Variants in GRID2 observed in about 807,000 individuals in gnomAD.
The protein encoded by GRID2 is glutamate receptor ionotropic, delta-2.
Under a neutral mutation model 114.8 loss-of-function variants are expected in GRID2, and 33 were observed. The ratio of observed to expected loss-of-function variants is 0.29; its 90% CI spans 0.22 to 0.38. The LOEUF is 0.38. Ranked by LOEUF, GRID2 falls within the 10% of genes least tolerant of loss-of-function variation. The pLI, the probability that GRID2 is intolerant of heterozygous loss-of-function variation, is 1.00. For synonymous variants in GRID2, 505 were observed against 449.9 expected (o/e 1.12, Z -1.55); for missense variants, 1,184 against 1,257.7 (o/e 0.94, Z 0.89).
At chr4:92,312,823 T>C (rs527854645) in intron 1 of GRID2, among the ~76,000 whole-genome samples, 1 of 152,142 alleles carries the variant, frequency 6.6e-6, no homozygotes, top group South Asian at 2.1e-4. Context: ...CAGGGAACAC[T>C]TCTACACTGC....
At chr4:92,473,788 T>C (rs1386782533) in intron 1 of GRID2, among the ~76,000 whole-genome samples, 1 of 152,036 alleles carries the variant, frequency 6.6e-6, no homozygotes, top group Non-Finnish European at 1.5e-5. Context: ...CTATAATTTG[T>C]TTCTTTTTTT....
At chr4:92,499,470 A>G (rs1378988967) in intron 1 of GRID2, among the ~76,000 whole-genome samples, 1 of 152,200 alleles carries the variant, frequency 6.6e-6, no homozygotes, top group Non-Finnish European at 1.5e-5. Context: ...AAGATAATTA[A>G]TAGCTTTTAC....
At chr4:93,214,066 TAAG>T (rs966436249) in intron 5 of GRID2, among the ~76,000 whole-genome samples, 2 of 152,056 alleles carry the variant, frequency 1.3e-5, no homozygotes, top group Non-Finnish European at 2.9e-5. Context: ...ATAAAGAATA[TAAG>T]AAGGAAAATA....
At chr4:92,822,555 C>T in intron 2 of GRID2, 1 of 277,404 alleles carries the variant, frequency 3.6e-6, no homozygotes, top group Non-Finnish European at 7.2e-6. Context: ...GGTTTTATCT[C>T]AGGATCTAGA....
At chr4:93,156,988 C>T (rs758892095) in intron 4 of GRID2, among the ~76,000 whole-genome samples, 1 of 151,676 alleles carries the variant, frequency 6.6e-6, no homozygotes, top group African/African-American at 2.4e-5. Flanking sequence ...TATAAAGTAG[C>T]CCCTGGTCAA....
intron 1 of GRID2, among the ~76,000 whole-genome samples, chr4:92,540,073 T>G (rs1431826805): frequency 6.6e-6 from 1 of 152,136 alleles, no homozygotes; most frequent in Non-Finnish European, 1.5e-5. Context: ...TAAATAGTGC[T>G]GGGAAAACTG....
intron 8 of GRID2, among the ~76,000 whole-genome samples, chr4:93,348,792 T>G: frequency 6.6e-6 from 1 of 152,112 alleles, no homozygotes; most frequent in East Asian, 1.9e-4. Flanking sequence ...AACAATCAAA[T>G]AAAATATAAA....
rs1443838986 is a variant in GRID2 at position 92,930,009 on chromosome 4, C to A, written c.245-154986C>A. 2.6e-5 allele frequency among the ~76,000 whole-genome samples: 4 copies of A among 151,202 alleles called. No homozygotes were observed. In the Admixed American group the frequency reaches 2.6e-4, roughly 10 times the overall value. The stretch of plus-strand genomic sequence containing the variant: ...ATATTTCTGGTGAAAATATGGGAAA[C>A]TCCTTCTCCCTCCCTCCATCTTGGC... On this transcript the variant is annotated intron_variant, in intron 2 of 15. Coordinates refer to ENST00000282020, the MANE Select transcript of GRID2 (RefSeq NM_001510.4).
At chr4:93,179,557 C>T (rs539118293) in intron 4 of GRID2, among the ~76,000 whole-genome samples, 5 of 151,982 alleles carry the variant, frequency 3.3e-5, no homozygotes, top group Admixed American at 6.6e-5. Context: ...AATTCTAATA[C>T]ATGAAATAAA....
intron 3 of GRID2, among the ~76,000 whole-genome samples, chr4:93,095,220 C>T (rs560249029): frequency 1.1e-4 from 16 of 151,860 alleles, no homozygotes; most frequent in African/African-American, 2.9e-4. Flanking sequence ...TGGTTTGTTG[C>T]GCCCATCGAC....
At chr4:92,666,114 C>T (rs1486020038) in intron 2 of GRID2, among the ~76,000 whole-genome samples, 1 of 150,928 alleles carries the variant, frequency 6.6e-6, no homozygotes, top group Non-Finnish European at 1.5e-5. Context: ...TTTTTATTTC[C>T]ATCCCTCAGA....
intron 8 of GRID2, among the ~76,000 whole-genome samples, chr4:93,329,269 TGACTATTAG>T (rs1473302945): frequency 2.0e-5 from 3 of 152,180 alleles, no homozygotes; most frequent in Admixed American, 2.0e-4. Context: ...ATTGACATTA[TGACTATTAG>T]AAGACATTTG....
intron 3 of GRID2, among the ~76,000 whole-genome samples, chr4:93,109,723 A>G (rs1579014047): frequency 1.3e-5 from 2 of 152,170 alleles, no homozygotes; most frequent in East Asian, 3.8e-4. Context: ...AATATAGTTC[A>G]TGATATAGTA....
rs139124653 is a variant in GRID2 at position 92,824,050 on chromosome 4, G to A, written c.244+233764G>A. Among the ~76,000 whole-genome samples the A allele has an allele frequency of 5.4e-3, 829 of 152,268 alleles. 14 individuals carry two copies. The highest frequency in any genetic ancestry group is 0.019 in the African/African-American group (789 of 41,552). The stretch of plus-strand genomic sequence containing the variant: ...AAAGGGACCTTCAATCTGGCTGGTA[G>A]TTCAGGGGAGATAGGATGAAGTGAA... On this transcript the variant is annotated intron_variant, in intron 2 of 15. Transcript: ENST00000282020.
intron 1 of GRID2, among the ~76,000 whole-genome samples, chr4:92,582,886 C>G (rs1199546833): frequency 6.6e-6 from 1 of 151,772 alleles, no homozygotes; most frequent in Admixed American, 6.6e-5. Flanking sequence ...ACTCAGGGAG[C>G]AGAGACAGGA....
At chr4:92,544,808 C>T (rs1223507731) in intron 1 of GRID2, among the ~76,000 whole-genome samples, 7 of 152,078 alleles carry the variant, frequency 4.6e-5, no homozygotes, top group African/African-American at 1.4e-4. Context: ...AAAATACACA[C>T]GTAGTCCTCT....
At chr4:92,846,232 T>C (rs1743313439) in intron 2 of GRID2, among the ~76,000 whole-genome samples, 1 of 152,094 alleles carries the variant, frequency 6.6e-6, no homozygotes, top group South Asian at 2.1e-4. Context: ...TATCGTGTGA[T>C]GCTGAACTTT....
intron 8 of GRID2, among the ~76,000 whole-genome samples, chr4:93,264,511 G>C (rs1338795837): frequency 3.3e-5 from 5 of 151,498 alleles, no homozygotes; most frequent in Admixed American, 3.3e-4. Flanking sequence ...ACTTTAGACT[G>C]AAAATCTCTT....
intron 1 of GRID2, among the ~76,000 whole-genome samples, chr4:92,571,796 C>A (rs915437966): frequency 5.9e-5 from 9 of 151,772 alleles, no homozygotes; most frequent in African/African-American, 2.2e-4. Flanking sequence ...GGGTACATAA[C>A]AAAATGAAGG....
Sources: allele counts gnomAD v4.1 joint callset (sites outside exome capture counted in the v4.1 genomes callset), GRCh38; gene constraint gnomAD v4.1.1; transcripts MANE v1.5; gene names NCBI Gene and HGNC (gene_info 2026-07-23, HGNC 2026-07-21).